The following CEP295 variants were observed in gnomAD, a reference collection of about 807,000 sequenced individuals.
CEP295 encodes centrosomal protein 295, also known as centrosomal protein of 295 kDa.
CEP295 carries 190 observed loss-of-function variants against 291.6 expected under a neutral mutation model. The ratio of observed to expected loss-of-function variants is 0.65; its 90% CI spans 0.58 to 0.73. CEP295 has a LOEUF of 0.73. Among genes scored for constraint, CEP295 ranks in the 30% least tolerant of loss-of-function variants. The pLI, the probability that CEP295 is intolerant of heterozygous loss-of-function variation, is 0.00. For missense variants in CEP295, 2,863 were observed against 2,949.4 expected, an observed-to-expected ratio of 0.97 and a Z score of 0.68; for synonymous variants, 993 against 1,038.8, an observed-to-expected ratio of 0.96 and a Z score of 0.85.
Position 93,702,650 on chromosome 11 carries a change from T to G in CEP295, c.5452+13T>G. The G allele has an allele frequency of 6.5e-7, 1 of 1,535,474 alleles. No homozygotes were observed. The highest frequency in any genetic ancestry group is 1.2e-5 in the South Asian group (1 of 81,032). On this transcript the variant is annotated intron_variant, in intron 16 of 29. Coordinates refer to ENST00000325212, the MANE Select transcript of CEP295 (RefSeq NM_033395.2). ...GCCAAGCAAAGTGGTAAGATAATTG[T>G]GTTTGATTGTAATTATTTCACTGAT...
chr11:93,690,553 T>A (rs4753494), intron 10 of CEP295, among the ~76,000 whole-genome samples: 1 of 135,400 alleles, frequency 7.4e-6, no homozygotes, highest in Non-Finnish European at 1.5e-5. Context: ...AGCGAGACTC[T>A]GTCTCACAAA....
At chr11:93,706,110 C>T (rs975633930) in intron 17 of CEP295, among the ~76,000 whole-genome samples, 4 of 152,154 alleles carry the variant, frequency 2.6e-5, no homozygotes, top group African/African-American at 9.7e-5. Context: ...CTTTAGTTTC[C>T]TCTGGGGATG....
intron 1 of CEP295, 42 bp from the exon 2 acceptor site, chr11:93,666,640 A>G: frequency 1.3e-6 from 1 of 749,616 alleles, no homozygotes; most frequent in Non-Finnish European, 2.2e-6. Flanking sequence ...CCCTATTTTA[A>G]TGTTACATTA....
chr11:93,728,529 T>C (rs1271805941), intron 24 of CEP295, 152 bp from the exon 25 acceptor site: 1 of 560,070 alleles, frequency 1.8e-6, no homozygotes, highest in African/African-American at 2.0e-5. Context: ...CCTAAGGAAA[T>C]CTGATCTGTT....
intron 12 of CEP295, among the ~76,000 whole-genome samples, chr11:93,692,485 C>G (rs1479309342): frequency 6.6e-6 from 1 of 152,006 alleles, no homozygotes; most frequent in Non-Finnish European, 1.5e-5. Context: ...ATACAGCGCC[C>G]TTTTTTTGCT....
chr11:93,688,072 G>T (rs1297157061), intron 10 of CEP295, among the ~76,000 whole-genome samples: 1 of 152,052 alleles, frequency 6.6e-6, no homozygotes, highest in Non-Finnish European at 1.5e-5. Context: ...TATATTAATT[G>T]CAAAGTAATC....
At chr11:93,722,095 C>A in intron 20 of CEP295, 45 bp downstream of exon 20, 1 of 1,133,002 alleles carries the variant, frequency 8.8e-7, no homozygotes, top group Non-Finnish European at 1.3e-6. Context: ...AGACCGGCAC[C>A]AGTTGAGTTG....
chr11:93,727,622 C>CTAG lies in CEP295; in HGVS notation c.7147_7148insAGT (p.Ser2382_Ser2383insTer). The stretch of plus-strand genomic sequence containing the variant: ...GTTCTGGATCATTTTCATTACAGAG[C>CTAG]TCTATACCAGTCTGGGTAAGTGAAA... On this transcript the variant is annotated stop_gained and inframe_insertion, in exon 24 of 30. Transcript: ENST00000325212. LOFTEE classifies it high-confidence loss of function. The CTAG allele has an allele frequency of 6.5e-7, 1 of 1,542,038 alleles. No individual in the cohort carries two copies. Among genetic ancestry groups the CTAG allele is most frequent in the Non-Finnish European group, 8.7e-7 (1 of 1,143,624 alleles).
In CEP295 at chr11:93,700,159, T is replaced by C; in HGVS notation, c.5247T>C (p.Thr1749=). Residue 1749 remains threonine, a synonymous_variant, in exon 15 of 30, where the codon ACT becomes ACC. Transcript: ENST00000325212. The part of the protein sequence containing the change: ...LQQQIQKHEE[T]LKDFFKDSQI... ...AGCAGATACAGAAACATGAAGAGAC[T>C]TTGAAGGATTTCTTTAAAGACAGTC... 1.3e-6 allele frequency: 2 copies of C among 1,548,576 alleles called. No individual in the cohort carries two copies. The highest frequency in any genetic ancestry group is 1.7e-6 in the Non-Finnish European group (2 of 1,146,150).
Position 93,696,851 on chromosome 11 carries a change from C to G in CEP295, c.1939C>G (p.Gln647Glu), listed in dbSNP as rs1565178712. ...RPTAISEHWD[Q>E]GQRLKLSPNK... ...GACTGCTATATCAGAGCATTGGGATCAAGGTCAGAGACTCAAGTTGAGTCC... is the reference window on the plus strand; with the variant it reads ...GACTGCTATATCAGAGCATTGGGATGAAGGTCAGAGACTCAAGTTGAGTCC... The change falls in exon 15 of 30, where the codon CAA becomes GAA. Residue 647 changes from glutamine (Q) to glutamate (E), a missense_variant. Transcript: ENST00000325212. 3 of 1,551,566 alleles carry G rather than the reference C, an allele frequency of 1.9e-6. No homozygotes were observed. Among genetic ancestry groups the G allele is most frequent in the African/African-American group, 1.4e-5 (1 of 73,028 alleles).
At chr11:93,685,700 C>CTTTGTTTG (rs55948111) in intron 9 of CEP295, among the ~76,000 whole-genome samples, 56,285 of 150,510 alleles carry the variant, frequency 0.37, 11,165 homozygotes, top group Admixed American at 0.52. Context: ...TCAGCTGTGT[C>CTTTGTTTG]TTTGTTTGTT....
At position 93,697,763 on chromosome 11, in the gene CEP295, A is replaced by G; in HGVS notation, c.2851A>G (p.Lys951Glu). The change falls in exon 15 of 30, where the codon AAA becomes GAA. Residue 951 changes from lysine (K) to glutamate (E), a missense_variant. Physicochemically the swap from Lys to Glu is moderately conservative, Grantham distance 56. Transcript: ENST00000325212. Reference protein sequence around the residue: ...QPILSQQNNFKFLQEQLNIQK... With the variant: ...QPILSQQNNFEFLQEQLNIQK... Reference sequence around the variant, plus strand: ...TATCCTATCACAGCAAAATAATTTTAAATTTCTCCAAGAGCAGTTGAATAT... The same window carrying G: ...TATCCTATCACAGCAAAATAATTTTGAATTTCTCCAAGAGCAGTTGAATAT... 2 of 1,551,736 alleles carry G rather than the reference A, an allele frequency of 1.3e-6. No individual in the cohort carries two copies. Among genetic ancestry groups the G allele is most frequent in the Non-Finnish European group, 1.7e-6 (2 of 1,146,988 alleles).
Position 93,699,179 on chromosome 11 carries a change from A to G in CEP295, c.4267A>G (p.Asn1423Asp), listed in dbSNP as rs1419567506. ...SERNQEPCSINSDNIVSSGHS... is the reference protein window; with the variant it reads ...SERNQEPCSIDSDNIVSSGHS... ...AAGAAACCAAGAACCATGTTCAATT[A>G]ACAGTGATAATATAGTATCCTCAGG... Residue 1423 changes from asparagine (N) to aspartate (D), a missense_variant, in exon 15 of 30, where the codon AAC (asparagine) becomes GAC (aspartate). Transcript: ENST00000325212. 6.4e-7 allele frequency: 1 copy of G among 1,551,854 alleles called. No individual in the cohort carries two copies. The highest frequency in any genetic ancestry group is 8.7e-7 in the Non-Finnish European group (1 of 1,147,052).
rs1952259354 is a variant in CEP295, at chr11:93,702,858, G to T, written c.5535G>T (p.Gln1845His). 6.4e-7 allele frequency: 1 copy of T among 1,551,482 alleles called. No homozygotes were observed. Among genetic ancestry groups the T allele is most frequent in the African/African-American group, 1.4e-5 (1 of 73,056 alleles). The change falls in exon 17 of 30, where the codon CAG becomes CAT. Residue 1845 changes from glutamine to histidine, a missense_variant. Gln to His is a conservative substitution (Grantham distance 24, BLOSUM62 0). Around this residue, in one of 3 missense-constraint regions of CEP295, gnomAD observed 2,295 missense variants for 2,335.7 expected, o/e 0.98. Transcript: ENST00000325212. ...TCAAATGTGGTTTGGACTTAAACCA[G>T]CATGAACTTAGTGCTATACAAGAAG... ...AKVKCGLDLN[Q>H]HELSAIQEVE...
At chr11:93,678,982 G>A (rs1183040848) in intron 6 of CEP295, among the ~76,000 whole-genome samples, 1 of 152,022 alleles carries the variant, frequency 6.6e-6, no homozygotes, top group African/African-American at 2.4e-5. Flanking sequence ...TCAGCCTCAC[G>A]AGTAGCTGGG....
chr11:93,662,344 T>A (rs959301473), intron 1 of CEP295, among the ~76,000 whole-genome samples: 1 of 152,206 alleles, frequency 6.6e-6, no homozygotes, highest in Admixed American at 6.5e-5. Flanking sequence ...ATATTATTAT[T>A]CCCTTTATAC....
chr11:93,723,548 C>T (rs1218700905), intron 21 of CEP295: 3 of 313,448 alleles, frequency 9.6e-6, no homozygotes, highest in African/African-American at 2.2e-5. Context: ...ACGGCTGAGG[C>T]GGTATTACTG....
chr11:93,691,978 TTCA>T lies in CEP295; in HGVS notation c.1484_1486del (p.His495del), dbSNP rs769721533. 9 of 1,546,366 alleles carry T rather than the reference TTCA, an allele frequency of 5.8e-6. No individual in the cohort carries two copies. Among genetic ancestry groups the T allele is most frequent in the Non-Finnish European group, 7.9e-6 (9 of 1,142,236 alleles). On this transcript the variant is annotated inframe_deletion, in exon 12 of 30. Coordinates refer to ENST00000325212, the MANE Select transcript of CEP295 (RefSeq NM_033395.2). Reference sequence around the variant, plus strand: ...ACTGTAGCTCAGAGTTCAGTTCTACTTCATCCTCAAGAAGCAGCAGCCAGGATT... The same window carrying T: ...ACTGTAGCTCAGAGTTCAGTTCTACTTCCTCAAGAAGCAGCAGCCAGGATT...
At chr11:93,711,376 A>G (rs1321472336) in intron 18 of CEP295, among the ~76,000 whole-genome samples, 1 of 152,208 alleles carries the variant, frequency 6.6e-6, no homozygotes, top group Non-Finnish European at 1.5e-5. Context: ...ATTCAGGAGC[A>G]TACTGTTTAA....
Sources: allele counts gnomAD v4.1 joint callset (sites outside exome capture counted in the v4.1 genomes callset), GRCh38; gene constraint gnomAD v4.1.1; regional missense constraint gnomAD v4.1.1; transcripts MANE v1.5; gene names NCBI Gene and HGNC (gene_info 2026-07-23, HGNC 2026-07-21).